Variants in RALYL observed in about 807,000 individuals in gnomAD.
The protein encoded by RALYL is RNA-binding Raly-like protein.
In RALYL, 29 loss-of-function variants were observed where a neutral mutation model predicts 35.1. That is an observed-to-expected ratio of 0.83 (90% CI 0.61 to 1.13). RALYL has a LOEUF of 1.13. RALYL is among the 50% of genes most tolerant of loss of function. RALYL has a pLI of 0.00. For synonymous variants in RALYL, 120 were observed against 127.6 expected, an observed-to-expected ratio of 0.94 and a Z score of 0.40; for missense variants, 359 against 360.4, an observed-to-expected ratio of 1.00 and a Z score of 0.03.
At chr8:84,640,914 C>T (rs1239853762) in intron 2 of RALYL, among the ~76,000 whole-genome samples, 1 of 151,750 alleles carries the variant, frequency 6.6e-6, no homozygotes, top group Non-Finnish European at 1.5e-5. Context: ...TAACTAGTTC[C>T]CTTCTAATTA....
chr8:84,199,082 T>C (rs1816184051), intron 1 of RALYL, among the ~76,000 whole-genome samples: 1 of 152,182 alleles, frequency 6.6e-6, no homozygotes, highest in African/African-American at 2.4e-5. Context: ...CCGTTTTCCA[T>C]AGTGGTTGTA....
chr8:84,517,180 A>G (rs191942267), intron 1 of RALYL, among the ~76,000 whole-genome samples: 14 of 152,326 alleles, frequency 9.2e-5, no homozygotes, highest in East Asian at 7.7e-4. Context: ...TCTGGCCCCA[A>G]TGCAAGCTAT....
In RALYL at chr8:84,771,861, G is replaced by A. The variant is rs1266046295; in HGVS notation, c.257-2718G>A. On this transcript the variant is annotated intron_variant, in intron 2 of 8. Transcript: ENST00000521268. ...ATGACCAGAAATTCTTAATTTTAAT[G>A]AAGCAGAATTTATCAATTTTGTATT... 2.6e-5 allele frequency among the ~76,000 whole-genome samples: 4 copies of A among 151,982 alleles called. No individual in the cohort carries two copies. The South Asian group carries it at 8.3e-4, about 31-fold the overall frequency.
At chr8:84,192,623 T>C (rs1427789201) in intron 1 of RALYL, among the ~76,000 whole-genome samples, 3 of 152,008 alleles carry the variant, frequency 2.0e-5, no homozygotes, top group African/African-American at 4.8e-5. Flanking sequence ...AGTGACACGA[T>C]TTCGGCTCAC....
At chr8:84,576,987 C>T (rs141368632) in intron 2 of RALYL, among the ~76,000 whole-genome samples, 11 of 152,352 alleles carry the variant, frequency 7.2e-5, no homozygotes, top group Non-Finnish European at 1.0e-4. Context: ...TGTAATTCCA[C>T]CACCTTGACT....
chr8:84,212,868 TAAG>T (rs1819835543), intron 1 of RALYL, among the ~76,000 whole-genome samples: 1 of 152,132 alleles, frequency 6.6e-6, no homozygotes, highest in Admixed American at 6.5e-5. Context: ...AAAAAATTTT[TAAG>T]AAGATTTAGA....
intron 2 of RALYL, among the ~76,000 whole-genome samples, chr8:84,745,976 G>T (rs1017098227): frequency 2.6e-5 from 4 of 151,870 alleles, no homozygotes; most frequent in African/African-American, 4.8e-5. Flanking sequence ...TGAGTTGCAG[G>T]GTATCTCTTG....
intron 1 of RALYL, among the ~76,000 whole-genome samples, chr8:84,485,438 G>A (rs2054509512): frequency 6.6e-6 from 1 of 152,056 alleles, no homozygotes; most frequent in Non-Finnish European, 1.5e-5. Flanking sequence ...AAATTAACCA[G>A]GCATGGTGGT....
In RALYL at chr8:84,525,028, G is replaced by A. The variant is rs970402041; in HGVS notation, c.-23-4271G>A. ...GGGGTAGAGCAATTCATTAAAATACGGCCTCAATTTTAACTAAGTAAAATT... is the reference window on the plus strand; with the variant it reads ...GGGGTAGAGCAATTCATTAAAATACAGCCTCAATTTTAACTAAGTAAAATT... On this transcript the variant is annotated intron_variant, in intron 1 of 8. Coordinates refer to ENST00000521268, the MANE Select transcript of RALYL (RefSeq NM_173848.7). Among the ~76,000 whole-genome samples, 9 of 150,982 alleles carry A rather than the reference G, an allele frequency of 6.0e-5. 1 individual carries two copies. The highest frequency in any genetic ancestry group is 3.4e-3 in the Middle Eastern group (1 of 294).
At chr8:84,673,466 A>G (rs1833636682) in intron 2 of RALYL, among the ~76,000 whole-genome samples, 1 of 151,922 alleles carries the variant, frequency 6.6e-6, no homozygotes, top group Non-Finnish European at 1.5e-5. Context: ...CTTGAATGCT[A>G]TTGCCTAGGT....
At chr8:84,406,012 T>C (rs187999862) in intron 1 of RALYL, among the ~76,000 whole-genome samples, 5 of 150,624 alleles carry the variant, frequency 3.3e-5, no homozygotes, top group Admixed American at 2.0e-4. Flanking sequence ...TGCAGACTTT[T>C]GTTAAATATG....
intron 4 of RALYL, among the ~76,000 whole-genome samples, chr8:84,838,858 A>G (rs753821769): frequency 1.3e-5 from 2 of 152,252 alleles, no homozygotes; most frequent in Non-Finnish European, 2.9e-5. Context: ...ACTGTCATCT[A>G]TATTAATAAT....
intron 1 of RALYL, among the ~76,000 whole-genome samples, chr8:84,291,490 A>T (rs941673300): frequency 2.0e-5 from 3 of 152,188 alleles, no homozygotes; most frequent in African/African-American, 7.2e-5. Flanking sequence ...CAAAAATATC[A>T]GTTGAATTAT....
At position 84,529,453 on chromosome 8, in the gene RALYL, G is replaced by A. The variant is rs781174611; in HGVS notation, c.132G>A (p.Lys44=). ...KKVDIEAIFS[K]YGKIVGCSVH... ...TTGACATTGAAGCCATTTTTTCAAA[G>A]TATGGAAAAATAGTTGGATGTTCCG... Residue 44 remains lysine, a synonymous_variant, in exon 2 of 9, where the codon AAG becomes AAA. Coordinates refer to ENST00000521268, the MANE Select transcript of RALYL (RefSeq NM_173848.7). 4 of 1,613,612 alleles carry A rather than the reference G, an allele frequency of 2.5e-6. No individual in the cohort carries two copies. Among genetic ancestry groups the A allele is most frequent in the Non-Finnish European group, 3.4e-6 (4 of 1,179,774 alleles).
intron 2 of RALYL, among the ~76,000 whole-genome samples, chr8:84,654,313 A>ATC (rs1564316737): frequency 8.0e-6 from 1 of 125,060 alleles, no homozygotes; most frequent in Non-Finnish European, 1.7e-5. Context: ...ATATATATAT[A>ATC]TCATGTACCA....
intron 2 of RALYL, among the ~76,000 whole-genome samples, chr8:84,550,133 CT>C (rs376467008): frequency 6.6e-6 from 1 of 152,020 alleles, no homozygotes; most frequent in African/African-American, 2.4e-5. Flanking sequence ...TTCCAAAGAA[CT>C]TTTTAGTATT....
chr8:84,747,891 G>A (rs145271654), intron 2 of RALYL, among the ~76,000 whole-genome samples: 2 of 151,802 alleles, frequency 1.3e-5, no homozygotes, highest in East Asian at 1.9e-4. Flanking sequence ...ACATTCTTTC[G>A]GATTCAAACC....
At chr8:84,191,586 T>G (rs1203157978) in intron 1 of RALYL, among the ~76,000 whole-genome samples, 1 of 152,136 alleles carries the variant, frequency 6.6e-6, no homozygotes, top group Non-Finnish European at 1.5e-5. Context: ...GACAACTCAC[T>G]GCAGAAAGTA....
intron 1 of RALYL, among the ~76,000 whole-genome samples, chr8:84,490,101 G>GTGTA (rs2055110592): frequency 6.6e-6 from 1 of 151,312 alleles, no homozygotes; most frequent in Admixed American, 6.6e-5. Flanking sequence ...GTGTGTGTGT[G>GTGTA]TGTGTGTGTG....
Sources: gnomAD v4.1 joint callset for allele counts (sites outside exome capture counted in the v4.1 genomes callset) on GRCh38, gnomAD v4.1.1 for gene constraint, MANE v1.5 for transcripts, NCBI Gene and HGNC (gene_info 2026-07-23, HGNC 2026-07-21) for gene names.